FIG4: variants seen among roughly 807,000 people sequenced by gnomAD.
FIG4 encodes the protein FIG4 phosphoinositide 5-phosphatase.
Under a neutral mutation model 118.6 loss-of-function variants are expected in FIG4, and 112 were observed. The observed-to-expected ratio is 0.94, with a 90% CI of 0.81 to 1.11. The LOEUF is 1.11. FIG4 is among the 50% of genes least tolerant of loss of function. The pLI, the probability that FIG4 is intolerant of heterozygous loss-of-function variation, is 0.00. For missense variants in FIG4, 969 were observed against 1,111.7 expected, an observed-to-expected ratio of 0.87 and a Z score of 1.83; for synonymous variants, 369 against 381.2, an observed-to-expected ratio of 0.97 and a Z score of 0.37.
chr6:109,753,192 C>T (rs949263636), intron 10 of FIG4, among the ~76,000 whole-genome samples: 3 of 152,054 alleles, frequency 2.0e-5, no homozygotes, highest in South Asian at 2.1e-4. Flanking sequence ...TAACCAGGCC[C>T]GACCCTGCTT....
chr6:109,695,158 C>T (rs1284647319), intron 1 of FIG4, among the ~76,000 whole-genome samples: 2 of 152,208 alleles, frequency 1.3e-5, no homozygotes, highest in Non-Finnish European at 2.9e-5. Context: ...CTCAAGCTAA[C>T]TTCCGTCAAG....
At chr6:109,816,538 T>C (rs2128401255) in intron 22 of FIG4, among the ~76,000 whole-genome samples, 1 of 152,272 alleles carries the variant, frequency 6.6e-6, no homozygotes, top group East Asian at 1.9e-4. Flanking sequence ...TCATGAAGTA[T>C]AGCAAATGTA....
At chr6:109,762,056 C>T (rs1777123907) in intron 11 of FIG4, 35 bp from the exon 12 acceptor site, 2 of 1,223,914 alleles carry the variant, frequency 1.6e-6, no homozygotes, top group Admixed American at 3.4e-5. Flanking sequence ...TAAAACTTGG[C>T]TTCTCACTTT....
chr6:109,738,787 C>A (rs1583666764), intron 7 of FIG4, among the ~76,000 whole-genome samples: 1 of 152,172 alleles, frequency 6.6e-6, no homozygotes, highest in East Asian at 1.9e-4. Context: ...TGGCCTGGGC[C>A]CTAAACAAAA....
chr6:109,763,805 A>AG, intron 12 of FIG4, 132 bp from the exon 13 acceptor site: 1 of 695,846 alleles, frequency 1.4e-6, no homozygotes, highest in Non-Finnish European at 2.6e-6. Flanking sequence ...GAGAGTAGGC[A>AG]GGATCAGCTG....
chr6:109,814,796 TTGTC>T (rs1328868869), intron 22 of FIG4, among the ~76,000 whole-genome samples: 1 of 152,162 alleles, frequency 6.6e-6, no homozygotes, highest in African/African-American at 2.4e-5. Context: ...ATCATGTCCT[TTGTC>T]TGTCCCAGCC....
chr6:109,769,669 C>T (rs2128393267), intron 15 of FIG4, among the ~76,000 whole-genome samples: 1 of 151,396 alleles, frequency 6.6e-6, no homozygotes, highest in South Asian at 2.1e-4. Context: ...ACTTGTAATC[C>T]TGCACTTTGG....
intron 19 of FIG4, among the ~76,000 whole-genome samples, chr6:109,790,056 G>A (rs1356519350): frequency 2.6e-5 from 4 of 152,130 alleles, no homozygotes; most frequent in Admixed American, 2.0e-4. Context: ...AGATTTTTCT[G>A]TGCATTGCTA....
chr6:109,705,030 G>A (rs1583629465), intron 1 of FIG4, among the ~76,000 whole-genome samples: 2 of 152,132 alleles, frequency 1.3e-5, no homozygotes, highest in East Asian at 3.9e-4. Flanking sequence ...TTAACAGTTG[G>A]TGAGTCTAGA....
chr6:109,742,697 A>G (rs563162519), intron 8 of FIG4, among the ~76,000 whole-genome samples: 2 of 152,132 alleles, frequency 1.3e-5, no homozygotes, highest in Non-Finnish European at 2.9e-5. Context: ...CCTTTTGTCC[A>G]TTAGGCATTA....
intron 6 of FIG4, among the ~76,000 whole-genome samples, chr6:109,735,518 C>T (rs1270857199): frequency 6.6e-6 from 1 of 152,102 alleles, no homozygotes; most frequent in East Asian, 1.9e-4. Context: ...TGTATGCTGA[C>T]ATTTTCTAGC....
At chr6:109,713,444 G>C (rs1343310392) in intron 1 of FIG4, among the ~76,000 whole-genome samples, 1 of 152,170 alleles carries the variant, frequency 6.6e-6, no homozygotes, top group Non-Finnish European at 1.5e-5. Flanking sequence ...GGTCACTGAG[G>C]GCTGGGGAAG....
intron 15 of FIG4, among the ~76,000 whole-genome samples, chr6:109,767,804 A>AGAGCTTGCAGCGAGCC (rs2128392830): frequency 6.6e-6 from 1 of 152,242 alleles, no homozygotes; most frequent in East Asian, 1.9e-4. Flanking sequence ...CTCCGGAGGC[A>AGAGCTTGCAGCGAGCC]GAGCTTGCAG....
rs1391031575 is a variant in FIG4 at position 109,751,021 on chromosome 6, A to T, written c.1137+7249A>T. ...CTTATCTAATTATTTCATTTGATGT[A>T]TTCAGCTGTGCTCAATAGCTACCCC... On this transcript the variant is annotated intron_variant, in intron 10 of 22. Coordinates refer to ENST00000230124, the MANE Select transcript of FIG4 (RefSeq NM_014845.6). 3.9e-5 allele frequency among the ~76,000 whole-genome samples: 6 copies of T among 152,332 alleles called. No homozygotes were observed. The South Asian group carries it at 1.2e-3, about 32-fold the overall frequency.
intron 1 of FIG4, among the ~76,000 whole-genome samples, chr6:109,692,540 G>C (rs1444997724): frequency 6.6e-6 from 1 of 152,086 alleles, no homozygotes; most frequent in Non-Finnish European, 1.5e-5. Flanking sequence ...ACTTTGATTA[G>C]ATCTAGAGCA....
chr6:109,799,949 G>A (rs1017654303), intron 22 of FIG4, among the ~76,000 whole-genome samples: 3 of 152,096 alleles, frequency 2.0e-5, no homozygotes, highest in Non-Finnish European at 4.4e-5. Flanking sequence ...CAGGGAGAAA[G>A]GGCATCAGCC....
intron 22 of FIG4, among the ~76,000 whole-genome samples, chr6:109,810,260 C>T (rs1272217498): frequency 1.3e-5 from 2 of 152,142 alleles, no homozygotes; most frequent in South Asian, 2.1e-4. Context: ...CAAAATCCTT[C>T]GTACTTTTCC....
intron 16 of FIG4, among the ~76,000 whole-genome samples, chr6:109,777,717 T>C (rs1218082094): frequency 6.6e-6 from 1 of 152,208 alleles, no homozygotes; most frequent in Non-Finnish European, 1.5e-5. Context: ...CTTGAGTCAC[T>C]TGCCAGTACA....
chr6:109,767,636 C>T (rs139801486), intron 15 of FIG4, among the ~76,000 whole-genome samples: 1,616 of 152,092 alleles, frequency 0.011, 31 homozygotes, highest in African/African-American at 0.037. Flanking sequence ...TTTGGGAGGC[C>T]GAGGTGGGCG....
Sources: gnomAD v4.1 joint callset for allele counts (sites outside exome capture counted in the v4.1 genomes callset) on GRCh38, gnomAD v4.1.1 for gene constraint, MANE v1.5 for transcripts, NCBI Gene and HGNC (gene_info 2026-07-23, HGNC 2026-07-21) for gene names.